The following FAM13A variants were observed in gnomAD, a reference collection of about 807,000 sequenced individuals.
FAM13A encodes family with sequence similarity 13 member A.
In FAM13A, 76 loss-of-function variants were observed where a neutral mutation model predicts 129.6. That is an observed-to-expected ratio of 0.59 (90% CI 0.49 to 0.71). The LOEUF is 0.71. FAM13A is among the 30% of genes least tolerant of loss of function. FAM13A has a pLI of 0.00. For missense variants in FAM13A, 1,108 were observed against 1,249.3 expected, an observed-to-expected ratio of 0.89 and a Z score of 1.70; for synonymous variants, 443 against 449.9, an observed-to-expected ratio of 0.98 and a Z score of 0.20.
At chr4:89,051,579 G>A (rs1410847844) in intron 1 of FAM13A, among the ~76,000 whole-genome samples, 2 of 152,054 alleles carry the variant, frequency 1.3e-5, no homozygotes, top group African/African-American at 4.8e-5. Flanking sequence ...CAACTCAAAA[G>A]TCTAACATCC....
chr4:88,943,109 A>G lies in FAM13A; in HGVS notation c.606-4868T>C, dbSNP rs1355936258. ...AATCTTACAATTATGACTTTGGTTA[A>G]ATGAATGACTATTATTCACAGTGAT... On this transcript the variant is annotated intron_variant, in intron 4 of 23. Coordinates refer to ENST00000264344, the MANE Select transcript of FAM13A (RefSeq NM_014883.4). Among the ~76,000 whole-genome samples, 3 of 152,238 alleles carry G rather than the reference A, an allele frequency of 2.0e-5. No homozygotes were observed. In the East Asian group the frequency reaches 5.8e-4, roughly 29 times the overall value.
At chr4:89,025,005 G>A (rs1477563755) in intron 2 of FAM13A, among the ~76,000 whole-genome samples, 2 of 152,104 alleles carry the variant, frequency 1.3e-5, no homozygotes, top group African/African-American at 2.4e-5. Flanking sequence ...AATACACCCT[G>A]TTAAAGTATA....
chr4:88,909,590 G>C (rs546154183), intron 5 of FAM13A, among the ~76,000 whole-genome samples: 6 of 151,934 alleles, frequency 3.9e-5, no homozygotes, highest in Admixed American at 3.9e-4. Context: ...AGGTTCAAGC[G>C]ATTCTCCTGT....
chr4:88,737,143 C>CA (rs1352989288), intron 21 of FAM13A, among the ~76,000 whole-genome samples: 2 of 151,830 alleles, frequency 1.3e-5, no homozygotes, highest in African/African-American at 4.8e-5. Flanking sequence ...ATACAGAAAA[C>CA]AAAACCAAAC....
At chr4:88,932,925 A>G (rs1753274272) in intron 5 of FAM13A, among the ~76,000 whole-genome samples, 1 of 152,182 alleles carries the variant, frequency 6.6e-6, no homozygotes, top group Non-Finnish European at 1.5e-5. Flanking sequence ...TTATAGCCAG[A>G]TTTAAATTTT....
intron 19 of FAM13A, among the ~76,000 whole-genome samples, chr4:88,740,920 A>T (rs1740111940): frequency 6.6e-6 from 1 of 152,248 alleles, no homozygotes; most frequent in Admixed American, 6.5e-5. Flanking sequence ...ATGACTGTCA[A>T]AACTAGAAGG....
At chr4:88,898,980 T>C (rs2150199151) in intron 6 of FAM13A, among the ~76,000 whole-genome samples, 1 of 152,144 alleles carries the variant, frequency 6.6e-6, no homozygotes, top group East Asian at 1.9e-4. Flanking sequence ...GGCATGTTTG[T>C]AGTGGCACAA....
At chr4:88,999,431 T>C (rs567392414) in intron 3 of FAM13A, among the ~76,000 whole-genome samples, 1 of 152,258 alleles carries the variant, frequency 6.6e-6, no homozygotes, top group South Asian at 2.1e-4. Context: ...AAACAGCATA[T>C]AGGACAGAGA....
intron 3 of FAM13A, 77 bp downstream of exon 3, chr4:89,020,383 T>C: frequency 2.9e-6 from 3 of 1,047,644 alleles, no homozygotes; most frequent in Non-Finnish European, 2.8e-6. Flanking sequence ...TCCCAAAGTG[T>C]TGGGATTATA....
chr4:89,044,096 A>G, intron 1 of FAM13A, among the ~76,000 whole-genome samples: 1 of 47,294 alleles, frequency 2.1e-5, no homozygotes, highest in Admixed American at 1.8e-4. Context: ...AGACCATATC[A>G]AAAAAAAAGA....
intron 5 of FAM13A, among the ~76,000 whole-genome samples, chr4:88,922,855 T>C (rs1340856970): frequency 1.3e-5 from 2 of 152,040 alleles, no homozygotes; most frequent in Non-Finnish European, 2.9e-5. Flanking sequence ...CAATAAAAAA[T>C]GATAAAGGGG....
At chr4:88,994,761 G>A (rs1763322814) in intron 3 of FAM13A, among the ~76,000 whole-genome samples, 1 of 151,830 alleles carries the variant, frequency 6.6e-6, no homozygotes, top group Admixed American at 6.6e-5. Flanking sequence ...GATCGCTTGA[G>A]CTTCAGGAAG....
intron 11 of FAM13A, among the ~76,000 whole-genome samples, chr4:88,772,832 G>A (rs940453366): frequency 2.6e-5 from 4 of 152,158 alleles, no homozygotes; most frequent in African/African-American, 9.7e-5. Flanking sequence ...TCAGATGGTT[G>A]TATGGATACT....
intron 5 of FAM13A, among the ~76,000 whole-genome samples, chr4:88,926,013 G>A (rs1752092552): frequency 2.0e-5 from 3 of 152,212 alleles, no homozygotes; most frequent in East Asian, 1.9e-4. Context: ...TAGTTTATGC[G>A]GGTGGTTCTG....
At chr4:88,945,743 T>C (rs1439716357) in intron 4 of FAM13A, among the ~76,000 whole-genome samples, 2 of 134,010 alleles carry the variant, frequency 1.5e-5, no homozygotes, top group African/African-American at 3.1e-5. Flanking sequence ...TACTATAAGA[T>C]TGCAACCACT....
rs140618263 is a variant in FAM13A at position 89,026,385 on chromosome 4, T to A, written c.217+3075A>T. ...AAGAATCTGGCCTTTTTACAATTTATCTTCCTTTAATAAGGAGAAAAATTC... is the reference window on the plus strand; with the variant it reads ...AAGAATCTGGCCTTTTTACAATTTAACTTCCTTTAATAAGGAGAAAAATTC... On this transcript the variant is annotated intron_variant, in intron 2 of 23. Transcript: ENST00000264344. Among the ~76,000 whole-genome samples the A allele has an allele frequency of 3.9e-4, 60 of 152,358 alleles. No homozygotes were observed. The East Asian group carries it at 0.01, about 25-fold the overall frequency.
chr4:88,966,007 A>G (rs990117372), intron 4 of FAM13A, among the ~76,000 whole-genome samples: 2 of 152,214 alleles, frequency 1.3e-5, no homozygotes, highest in African/African-American at 4.8e-5. Flanking sequence ...TAATGCAGCT[A>G]TGAACACAGG....
At position 88,758,815 on chromosome 4, in the gene FAM13A, G is replaced by A. The variant is rs144193678; in HGVS notation, c.1665C>T (p.Ser555=). The stretch of plus-strand genomic sequence containing the variant: ...CCGACTGGGGCACTTCGGAGACAAA[G>A]CTCTCCTCCTGGTCACCGGCATCTT... ...RNQDAGDQEE[S]FVSEVPQSDL... Residue 555 remains serine, a synonymous_variant, in exon 14 of 24, where the codon AGC becomes AGT. Transcript: ENST00000264344. 1 of 1,613,996 alleles carries A rather than the reference G, an allele frequency of 6.2e-7. No homozygotes were observed. The highest frequency in any genetic ancestry group is 1.3e-5 in the African/African-American group (1 of 75,016).
At chr4:88,823,724 T>C (rs572947487) in intron 7 of FAM13A, among the ~76,000 whole-genome samples, 73 of 152,304 alleles carry the variant, frequency 4.8e-4, no homozygotes, top group African/African-American at 1.7e-3. Flanking sequence ...AGCATGCCTC[T>C]AGACCCTTGC....
Sources: allele counts gnomAD v4.1 joint callset (sites outside exome capture counted in the v4.1 genomes callset), GRCh38; gene constraint gnomAD v4.1.1; transcripts MANE v1.5; gene names NCBI Gene and HGNC (gene_info 2026-07-23, HGNC 2026-07-21).